The following AIDA variants were observed in gnomAD, a reference collection of about 807,000 sequenced individuals.
AIDA encodes the protein axin interactor, dorsalization-associated protein.
Under a neutral mutation model 42.7 loss-of-function variants are expected in AIDA, and 18 were observed. That is an observed-to-expected ratio of 0.42 (90% CI 0.29 to 0.63). AIDA has a LOEUF of 0.63. Among genes scored for constraint, AIDA ranks in the 20% least tolerant of loss-of-function variants. The pLI is 0.19. For missense variants in AIDA, 250 were observed against 354.1 expected (o/e 0.71, Z 2.36); for synonymous variants, 104 against 122.9 (o/e 0.85, Z 1.02).
chr1:222,672,989 A>G (rs1450163584), intron 8 of AIDA, among the ~76,000 whole-genome samples: 2 of 152,236 alleles, frequency 1.3e-5, no homozygotes, highest in Non-Finnish European at 2.9e-5. Context: ...TAATTTGAAG[A>G]TGAAAACTGA....
intron 6 of AIDA, among the ~76,000 whole-genome samples, chr1:222,679,096 G>A (rs1197497546): frequency 6.6e-6 from 1 of 152,146 alleles, no homozygotes; most frequent in Non-Finnish European, 1.5e-5. Flanking sequence ...CTATAAACAT[G>A]TGGCCTGAAA....
chr1:222,685,649 G>A (rs533241017), intron 6 of AIDA, among the ~76,000 whole-genome samples: 1 of 152,290 alleles, frequency 6.6e-6, no homozygotes, highest in South Asian at 2.1e-4. Context: ...TATAAGAACA[G>A]AACAGAGTAA....
intron 8 of AIDA, among the ~76,000 whole-genome samples, chr1:222,673,018 C>T (rs968301486): frequency 1.3e-5 from 2 of 152,200 alleles, no homozygotes; most frequent in Non-Finnish European, 1.5e-5. Context: ...GGAACCTTCA[C>T]GCACTCCTGC....
chr1:222,684,300 C>A (rs534363334), intron 6 of AIDA, among the ~76,000 whole-genome samples: 4 of 152,054 alleles, frequency 2.6e-5, no homozygotes, highest in African/African-American at 9.6e-5. Context: ...TTAGTAGAGA[C>A]GGGGTTTCAC....
At chr1:222,670,439 T>G (rs1664426126) in intron 8 of AIDA, among the ~76,000 whole-genome samples, 189 bp from the exon 9 acceptor site, 1 of 152,218 alleles carries the variant, frequency 6.6e-6, no homozygotes, top group South Asian at 2.1e-4. Flanking sequence ...TGTATCTGAG[T>G]AGAGTGACAT....
intron 4 of AIDA, among the ~76,000 whole-genome samples, chr1:222,690,599 C>T (rs1655344160): frequency 2.0e-5 from 3 of 152,112 alleles, no homozygotes; most frequent in Non-Finnish European, 4.4e-5. Flanking sequence ...GGAGGAAATC[C>T]AGAGACTGCA....
intron 2 of AIDA, among the ~76,000 whole-genome samples, chr1:222,696,354 A>G (rs1655522492): frequency 6.6e-6 from 1 of 152,260 alleles, no homozygotes; most frequent in South Asian, 2.1e-4. Context: ...AAACATAAAT[A>G]TAATAGTAAT....
intron 6 of AIDA, among the ~76,000 whole-genome samples, chr1:222,686,725 G>A (rs1416108874): frequency 6.6e-6 from 1 of 152,078 alleles, no homozygotes; most frequent in African/African-American, 2.4e-5. Flanking sequence ...CTGAACATGG[G>A]AATGGTCCTG....
chr1:222,693,372 G>A (rs1394540008), intron 4 of AIDA, among the ~76,000 whole-genome samples: 2 of 152,132 alleles, frequency 1.3e-5, no homozygotes, highest in East Asian at 1.9e-4. Flanking sequence ...GTTTTAAGGA[G>A]AAAGGAAAAT....
chr1:222,693,000 GCTA>G (rs1655409370), intron 4 of AIDA, among the ~76,000 whole-genome samples: 1 of 152,100 alleles, frequency 6.6e-6, no homozygotes, highest in South Asian at 2.1e-4. Flanking sequence ...CTTAGAAGTG[GCTA>G]CTAAGGGCTG....
chr1:222,702,988 T>C (rs1017958876), intron 2 of AIDA, among the ~76,000 whole-genome samples, 160 bp downstream of exon 2: 3 of 152,254 alleles, frequency 2.0e-5, no homozygotes, highest in Non-Finnish European at 4.4e-5. Flanking sequence ...CTCTAAATAA[T>C]CACTTAATGT....
At chr1:222,677,266 C>T (rs1405251338) in intron 6 of AIDA, among the ~76,000 whole-genome samples, 1 of 152,022 alleles carries the variant, frequency 6.6e-6, no homozygotes, top group African/African-American at 2.4e-5. Context: ...TTTTTATGTA[C>T]AGATTTTATA....
Position 222,711,912 on chromosome 1 carries a change from G to C in AIDA, c.110+296C>G, listed in dbSNP as rs537543709. 175 of 354,068 alleles carry C rather than the reference G, an allele frequency of 4.9e-4. 3 individuals are homozygous for C. In the South Asian group the frequency reaches 5.0e-3, roughly 10 times the overall value. The allele number at this position is 354,068 out of a possible 1,614,324, so 21.9% of individuals were successfully genotyped here. ...GGGGGACCCGCGAGACGGTGGAAAG[G>C]AACTAAGCAGATAGCCTGCTGGGGC... On this transcript the variant is annotated intron_variant, in intron 1 of 9. Coordinates refer to ENST00000340020, the MANE Select transcript of AIDA (RefSeq NM_022831.4).
intron 4 of AIDA, among the ~76,000 whole-genome samples, chr1:222,689,150 T>C (rs1655277095): frequency 6.6e-6 from 1 of 151,424 alleles, no homozygotes. Context: ...AGAAAAAATA[T>C]TATTGTGGCT....
At chr1:222,698,544 C>A (rs982780820) in intron 2 of AIDA, among the ~76,000 whole-genome samples, 6 of 151,558 alleles carry the variant, frequency 4.0e-5, no homozygotes, top group African/African-American at 1.2e-4. Context: ...CTCTGCCTCC[C>A]AGATTCAAGC....
intron 4 of AIDA, among the ~76,000 whole-genome samples, chr1:222,689,520 T>TATATATATATATATATACAC (rs765351898): frequency 1.7e-5 from 1 of 58,102 alleles, no homozygotes; most frequent in Non-Finnish European, 3.8e-5. Context: ...TATATATATA[T>TATATATATATATATATACAC]ACACACATAC....
intron 1 of AIDA, 146 bp from the exon 2 acceptor site, chr1:222,703,363 CA>C (rs878866931): frequency 0.05 from 18,296 of 368,548 alleles, 693 homozygotes; most frequent in African/African-American, 0.2. Context: ...AAATTCTTCT[CA>C]AAAAAAAAAA....
chr1:222,706,240 C>G (rs1206395779), intron 1 of AIDA, among the ~76,000 whole-genome samples: 1 of 152,082 alleles, frequency 6.6e-6, no homozygotes, highest in Non-Finnish European at 1.5e-5. Context: ...AATGATACAC[C>G]CAGTTTGGAG....
At chr1:222,677,302 T>C (rs544545996) in intron 6 of AIDA, among the ~76,000 whole-genome samples, 19 of 152,326 alleles carry the variant, frequency 1.2e-4, no homozygotes, top group Admixed American at 1.2e-3. Flanking sequence ...CTCTTATTAA[T>C]ACTAATGACT....
Sources: gnomAD v4.1 joint callset for allele counts (sites outside exome capture counted in the v4.1 genomes callset) on GRCh38, gnomAD v4.1.1 for gene constraint, MANE v1.5 for transcripts, NCBI Gene and HGNC (gene_info 2026-07-23, HGNC 2026-07-21) for gene names.